Variants in SERHL2 observed in about 807,000 individuals in gnomAD.
SERHL2 encodes serine hydrolase-like protein 2.
Under a neutral mutation model 25.5 loss-of-function variants are expected in SERHL2, and 29 were observed. That is an observed-to-expected ratio of 1.14 (90% CI 0.85 to 1.55). The LOEUF (loss-of-function observed/expected upper bound fraction) is 1.55. SERHL2 is among the 40% of genes most tolerant of loss of function. The probability of loss-of-function intolerance (pLI) is 0.00; values close to 1 mark genes in which losing one functional copy is unlikely to be tolerated. For missense variants in SERHL2, 240 were observed against 252.3 expected (o/e 0.95, Z 0.33); for synonymous variants, 95 against 103.5 (o/e 0.92, Z 0.50).
chr22:42,554,900 AT>A, intron 1 of SERHL2, 37 bp from the exon 2 acceptor site: 1 of 1,456,652 alleles, frequency 6.9e-7, no homozygotes. Flanking sequence ...TCATGGGTGA[AT>A]GAATGAAGGA....
At chr22:42,563,558 G>T (rs1411494133) in intron 8 of SERHL2, 2 of 250,560 alleles carry the variant, frequency 8.0e-6, no homozygotes, top group South Asian at 6.7e-5. Context: ...CCCGTGCTGT[G>T]GGGGAGGCTC....
intron 10 of SERHL2, among the ~76,000 whole-genome samples, chr22:42,572,145 C>G (rs931994998): frequency 6.6e-6 from 1 of 152,106 alleles, no homozygotes; most frequent in Non-Finnish European, 1.5e-5. Flanking sequence ...AGCGCCTGTT[C>G]AGATCCCAGC....
chr22:42,559,892 A>C (rs1217602439), intron 7 of SERHL2, among the ~76,000 whole-genome samples: 2 of 151,516 alleles, frequency 1.3e-5, no homozygotes, highest in Non-Finnish European at 2.9e-5. Flanking sequence ...GCTCACTGCA[A>C]CCTCTGCCTC....
intron 8 of SERHL2, 145 bp from the exon 9 acceptor site, chr22:42,566,159 G>A: frequency 5.4e-6 from 4 of 745,124 alleles, no homozygotes; most frequent in Non-Finnish European, 4.5e-6. Flanking sequence ...AGGACAGGGA[G>A]TCCTGGGCAG....
At chr22:42,556,488 A>T in intron 5 of SERHL2, 26 bp from the exon 6 acceptor site, 1 of 1,613,246 alleles carries the variant, frequency 6.2e-7, no homozygotes, top group Non-Finnish European at 8.5e-7. Flanking sequence ...CCCCCTATTC[A>T]TTCTCCCCTT....
At chr22:42,571,510 C>T in intron 10 of SERHL2, 1 of 1,180,414 alleles carries the variant, frequency 8.5e-7, no homozygotes, top group African/African-American at 1.6e-5. Context: ...ACTGCAACCT[C>T]TGTCTCCTGG....
At chr22:42,567,279 G>GT (rs1923516975) in intron 9 of SERHL2, among the ~76,000 whole-genome samples, 1 of 152,074 alleles carries the variant, frequency 6.6e-6, no homozygotes. Flanking sequence ...ATGTTAACGT[G>GT]TTTGTCTTTG....
rs775042022 is a variant in SERHL2, at chr22:42,572,432, C to A, written c.732-4C>A. On this transcript the variant is annotated splice_polypyrimidine_tract_variant and splice_region_variant and intron_variant, in intron 10 of 11. Coordinates refer to ENST00000327678, the MANE Select transcript of SERHL2 (RefSeq NM_014509.5). ...CCAACAACCCCCAACTCCTCACTTT[C>A]CAGAGCAGTCCACGGATATTTTGAT... is the stretch of plus-strand genomic sequence containing the variant. 4.4e-6 allele frequency: 7 copies of A among 1,606,382 alleles called. No homozygotes were observed. The highest frequency in any genetic ancestry group is 3.3e-5 in the South Asian group (3 of 90,714).
At chr22:42,565,913 G>C (rs541344703) in intron 8 of SERHL2, among the ~76,000 whole-genome samples, 15 of 152,094 alleles carry the variant, frequency 9.9e-5, no homozygotes, top group Non-Finnish European at 2.1e-4. Context: ...GAGTGCAGTG[G>C]CACGATCTCA....
intron 9 of SERHL2, among the ~76,000 whole-genome samples, 168 bp downstream of exon 9, chr22:42,566,506 A>G (rs1395023060): frequency 1.3e-5 from 2 of 151,534 alleles, no homozygotes; most frequent in Admixed American, 1.3e-4. Flanking sequence ...CATTGAGCCG[A>G]GATAGCACCA....
At chr22:42,564,971 T>TAC (rs1923161977) in intron 8 of SERHL2, 1 of 137,918 alleles carries the variant, frequency 7.3e-6, no homozygotes, top group African/African-American at 2.8e-5. Context: ...CGCGCGCGTG[T>TAC]GTGTGTGTGT....
At chr22:42,572,353 C>T in intron 10 of SERHL2, 83 bp from the exon 11 acceptor site, 2 of 1,013,600 alleles carry the variant, frequency 2.0e-6, no homozygotes, top group Non-Finnish European at 3.0e-6. Context: ...TCCTCAGAGG[C>T]CTGAACCCAG....
intron 8 of SERHL2, among the ~76,000 whole-genome samples, chr22:42,562,520 G>A (rs1922816671): frequency 1.3e-5 from 2 of 151,824 alleles, no homozygotes; most frequent in Non-Finnish European, 1.5e-5. Flanking sequence ...TACAGAGTGC[G>A]TGAGAAGGGG....
intron 1 of SERHL2, 128 bp downstream of exon 1, chr22:42,554,170 C>G (rs1921942886): frequency 8.5e-7 from 1 of 1,173,600 alleles, no homozygotes; most frequent in Non-Finnish European, 1.2e-6. Context: ...GCTCCTTCCT[C>G]GGCAGTCCCG....
intron 9 of SERHL2, among the ~76,000 whole-genome samples, chr22:42,568,181 A>T (rs930828524): frequency 1.5e-5 from 2 of 137,338 alleles, no homozygotes; most frequent in Non-Finnish European, 3.1e-5. Context: ...GCGCTACCAC[A>T]CCCAGCTAAA....
intron 9 of SERHL2, among the ~76,000 whole-genome samples, chr22:42,568,157 A>G (rs987894309): frequency 6.6e-6 from 1 of 151,664 alleles, no homozygotes; most frequent in Non-Finnish European, 1.5e-5. Context: ...CGGAGTGGCT[A>G]GGACTACAGG....
intron 11 of SERHL2, 63 bp from the exon 12 acceptor site, chr22:42,573,873 G>A (rs1377558583): frequency 5.8e-6 from 9 of 1,539,296 alleles, no homozygotes; most frequent in South Asian, 4.6e-5. Flanking sequence ...CTGACCCCGG[G>A]GCCCATGGAG....
intron 8 of SERHL2, 62 bp from the exon 9 acceptor site, chr22:42,566,242 G>A (rs559702726): frequency 2.2e-5 from 35 of 1,557,582 alleles, no homozygotes; most frequent in African/African-American, 8.1e-5. Context: ...GCAAAGTCAC[G>A]GAGCGTCCCC....
At chr22:42,564,193 T>C (rs987602990) in intron 8 of SERHL2, among the ~76,000 whole-genome samples, 3 of 151,838 alleles carry the variant, frequency 2.0e-5, no homozygotes, top group Non-Finnish European at 4.4e-5. Flanking sequence ...TTTAAATATT[T>C]ACTACATTGG....
Sources: allele counts gnomAD v4.1 joint callset (sites outside exome capture counted in the v4.1 genomes callset), GRCh38; gene constraint gnomAD v4.1.1; transcripts MANE v1.5; gene names NCBI Gene and HGNC (gene_info 2026-07-23, HGNC 2026-07-21).